CSRNP1: variants seen among roughly 807,000 people sequenced by gnomAD.
The protein encoded by CSRNP1 is cysteine and serine rich nuclear protein 1.
CSRNP1 carries 8 observed loss-of-function variants against 25.0 expected under a neutral mutation model. That is an observed-to-expected ratio of 0.32 (90% CI 0.19 to 0.58). The LOEUF (loss-of-function observed/expected upper bound fraction) is 0.58, where lower values mean the gene tolerates loss of function less well. Among genes scored for constraint, CSRNP1 ranks in the 20% least tolerant of loss-of-function variants. CSRNP1 has a pLI of 0.88. For synonymous variants in CSRNP1, 305 were observed against 303.1 expected (o/e 1.01, Z -0.06); for missense variants, 691 against 773.1 (o/e 0.89, Z 1.26).
At chr3:39,144,949 C>T in intron 3 of CSRNP1, 48 bp downstream of exon 3, 4 of 1,555,750 alleles carry the variant, frequency 2.6e-6, no homozygotes, top group Non-Finnish European at 2.6e-6. Context: ...AAGGTTAGGA[C>T]TCCAGGAGCT....
At position 39,144,422 on chromosome 3, in the gene CSRNP1, C is replaced by T; in HGVS notation, c.495G>A (p.Glu165=). 6.2e-7 allele frequency: 1 copy of T among 1,609,514 alleles called. No homozygotes were observed. Among genetic ancestry groups the T allele is most frequent in the Non-Finnish European group, 8.5e-7 (1 of 1,177,170 alleles). Residue 165 remains glutamate, a synonymous_variant, in exon 4 of 5, where the codon GAG becomes GAA. Coordinates refer to ENST00000273153, the MANE Select transcript of CSRNP1 (RefSeq NM_033027.4). Reference sequence around the variant, plus strand: ...CATCCACCACAGGTGGCAGCCCTGCCTCTGCCTGGGGTACCCCAGCTGCCG... The same window carrying T: ...CATCCACCACAGGTGGCAGCCCTGCTTCTGCCTGGGGTACCCCAGCTGCCG... ...KLSAAGVPQA[E]AGLPPVVDAI... is the part of the protein sequence containing the mutation.
At position 39,145,250 on chromosome 3, in the gene CSRNP1, G is replaced by A; in HGVS notation, c.212C>T (p.Ser71Phe). 1.3e-6 allele frequency: 2 copies of A among 1,587,398 alleles called. No individual in the cohort carries two copies. Among genetic ancestry groups the A allele is most frequent in the South Asian group, 2.3e-5 (2 of 88,628 alleles). ...CTCCCGGCGAGCCCGCTTCAGGATA[G>A]ACAGGGCTAGAAAGCAGGCAAAGAT... Reference protein sequence around the residue: ...FCGPRSFTPLSILKRARRERP... With the variant: ...FCGPRSFTPLFILKRARRERP... The change falls in exon 3 of 5, where the codon TCT becomes TTT. Residue 71 changes from serine to phenylalanine, a missense_variant. By Grantham distance (155) the Ser-to-Phe change is radical. Transcript: ENST00000273153.
intron 3 of CSRNP1, 129 bp downstream of exon 3, chr3:39,144,868 A>C: frequency 1.7e-6 from 2 of 1,151,704 alleles, no homozygotes; most frequent in South Asian, 3.4e-5. Context: ...GCCAATCACC[A>C]GGCCCACAGG....
At chr3:39,147,314 C>T (rs1003528355) in intron 1 of CSRNP1, among the ~76,000 whole-genome samples, 1 of 152,096 alleles carries the variant, frequency 6.6e-6, no homozygotes, top group Non-Finnish European at 1.5e-5. Flanking sequence ...TCCTCCTCCT[C>T]CTCCAGCACA....
In CSRNP1 at chr3:39,145,200, C is replaced by T. The variant is rs1449267702; in HGVS notation, c.262G>A (p.Gly88Arg). 6.2e-7 allele frequency: 1 copy of T among 1,613,626 alleles called. No homozygotes were observed. Among genetic ancestry groups the T allele is most frequent in the African/African-American group, 1.3e-5 (1 of 74,938 alleles). ...CGGGGGAAGTAGAAGACGGTGATCC[C>T]ATCAAAGGCTACACGGCCTGGGCGC... is the stretch of plus-strand genomic sequence containing the variant. The part of the protein sequence containing the change: ...RERPGRVAFD[G>R]ITVFYFPRCQ... The change falls in exon 3 of 5, where the codon GGG becomes AGG. Residue 88 changes from glycine (G) to arginine (R), a missense_variant. Coordinates refer to ENST00000273153, the MANE Select transcript of CSRNP1 (RefSeq NM_033027.4).
At position 39,143,044 on chromosome 3, in the gene CSRNP1, C is replaced by T; in HGVS notation, c.*11G>A. ...CAGGTCTCTTGGGGCTGGGAAAAGA[C>T]ATCCTGGTCCTCACACCGGCACAGG... On this transcript the variant is annotated 3_prime_UTR_variant, in exon 5 of 5. Transcript: ENST00000273153. The T allele has an allele frequency of 6.5e-7, 1 of 1,542,560 alleles. No individual in the cohort carries two copies. The highest frequency in any genetic ancestry group is 8.7e-7 in the Non-Finnish European group (1 of 1,144,038).
At chr3:39,148,359 C>T (rs1387468297) in intron 1 of CSRNP1, 2 of 152,402 alleles carry the variant, frequency 1.3e-5, no homozygotes, top group Non-Finnish European at 2.9e-5. Context: ...CACATGTACA[C>T]ACATGCTCAG....
In CSRNP1 at chr3:39,153,494, G is replaced by A. The variant is rs1177270443; in HGVS notation, c.-97C>T. 3 of 293,044 alleles carry A rather than the reference G, an allele frequency of 1.0e-5. No individual in the cohort carries two copies. Among genetic ancestry groups the A allele is most frequent in the Non-Finnish European group, 2.2e-5 (3 of 138,588 alleles). The allele number at this position is 293,044 out of a possible 1,614,324, so 18.2% of individuals were successfully genotyped here. On this transcript the variant is annotated 5_prime_UTR_variant, in exon 1 of 5. Coordinates refer to ENST00000273153, the MANE Select transcript of CSRNP1 (RefSeq NM_033027.4). ...CGCGACCCGCGTCCCGGCCGGGGAC[G>A]CCCCCTGCGCCGCGACTCTGTGCGC...
chr3:39,143,761 G>T lies in CSRNP1; in HGVS notation c.1064C>A (p.Ser355Tyr), dbSNP rs1265818015. 1.2e-6 allele frequency: 2 copies of T among 1,614,126 alleles called. No individual in the cohort carries two copies. The highest frequency in any genetic ancestry group is 8.5e-7 in the Non-Finnish European group (1 of 1,179,974). Residue 355 changes from serine (S) to tyrosine (Y), a missense_variant, in exon 5 of 5, where the codon TCT becomes TAT. By Grantham distance (144) the Ser-to-Tyr change is moderately radical (BLOSUM62 -2). Transcript: ENST00000273153. ...CGATGCTGATGAAGATGCTGTAGAA[G>T]AATCAGTCATGTCGCTGCTGCAGCT... is the stretch of plus-strand genomic sequence containing the variant. ...DNSCSSDMTD[S>Y]STASSSASGT...
At position 39,153,572 on chromosome 3, in the gene CSRNP1, G is replaced by C. The variant is rs893822078; in HGVS notation, c.-175C>G. The C allele has an allele frequency of 2.6e-5, 4 of 153,076 alleles. No individual in the cohort carries two copies. The highest frequency in any genetic ancestry group is 1.9e-4 in the East Asian group (1 of 5,186). The allele number at this position is 153,076 out of a possible 1,614,324, so 9.5% of individuals were successfully genotyped here. A position where few individuals can be genotyped will look rare whatever the true frequency, so the allele number is the denominator to read the frequency against. On this transcript the variant is annotated 5_prime_UTR_variant, in exon 1 of 5. Coordinates refer to ENST00000273153, the MANE Select transcript of CSRNP1 (RefSeq NM_033027.4). ...CCCCTCGCTCTGCGCGTCCGGCAGC[G>C]GCGGCGGCGGCGGGAGACTGCCTGC...
At position 39,145,088 on chromosome 3, in the gene CSRNP1, A is replaced by C. The variant is rs762883711; in HGVS notation, c.374T>G (p.Leu125Trp). Residue 125 changes from leucine to tryptophan, a missense_variant, in exon 3 of 5, where the codon TTG (leucine) becomes TGG (tryptophan). Leu to Trp is a moderately conservative substitution (Grantham distance 61). Coordinates refer to ENST00000273153, the MANE Select transcript of CSRNP1 (RefSeq NM_033027.4). Reference sequence around the variant, plus strand: ...GGCTTGCTCCTGCGCAAACTCAGCCAAAGAGAAGCGACGGCAAGCACTGTG... The same window carrying C: ...GGCTTGCTCCTGCGCAAACTCAGCCCAAGAGAAGCGACGGCAAGCACTGTG... ...LRHSACRRFS[L>W]AEFAQEQARA... 6.2e-7 allele frequency: 1 copy of C among 1,614,262 alleles called. No homozygotes were observed. The highest frequency in any genetic ancestry group is 8.5e-7 in the Non-Finnish European group (1 of 1,180,036).
intron 4 of CSRNP1, 26 bp from the exon 5 acceptor site, chr3:39,144,070 T>A (rs777862339): frequency 3.1e-6 from 5 of 1,607,632 alleles, no homozygotes; most frequent in Non-Finnish European, 4.2e-6. Context: ...GAGGTACAAG[T>A]GAGGGTTCTG....
Position 39,143,534 on chromosome 3 carries a change from T to TA in CSRNP1, c.1290dup (p.Thr431TyrfsTer2). The TA allele has an allele frequency of 1.2e-6, 2 of 1,614,204 alleles. No individual in the cohort carries two copies. Among genetic ancestry groups the TA allele is most frequent in the Non-Finnish European group, 1.7e-6 (2 of 1,180,034 alleles). On this transcript the variant is annotated frameshift_variant, in exon 5 of 5. Coordinates refer to ENST00000273153, the MANE Select transcript of CSRNP1 (RefSeq NM_033027.4). LOFTEE classifies it low-confidence loss of function (END_TRUNC). ...CTGGCCAGGCCACCAGGGTCACTAG[T>TA]ACCAAAGATGTCAGCTGGATGGAAG...
At position 39,143,006 on chromosome 3, in the gene CSRNP1, A is replaced by C. The variant is rs779781679; in HGVS notation, c.*49T>G. Reference sequence around the variant, plus strand: ...AGACTCTGGGGAGCCCCATAATTACAAGAAAGCAGCAACAGGTCTCTTGGG... The same window carrying C: ...AGACTCTGGGGAGCCCCATAATTACCAGAAAGCAGCAACAGGTCTCTTGGG... On this transcript the variant is annotated 3_prime_UTR_variant, in exon 5 of 5. Transcript: ENST00000273153. The C allele has an allele frequency of 2.6e-6, 4 of 1,519,378 alleles. No individual in the cohort carries two copies. The African/African-American group carries it at 5.6e-5, about 21-fold the overall frequency. The allele number at this position is 1,519,378 out of a possible 1,614,324, so 94.1% of individuals were successfully genotyped here. A position where few individuals can be genotyped will look rare whatever the true frequency, so the allele number is the denominator to read the frequency against.
rs1208299806 is a variant in CSRNP1, at chr3:39,142,045, T to TAAACATTAGC, written c.*1000_*1009dup. ...CAATGTAGAAATTATGATGCAAAATTAAACATTAGCAAACAAAGGGTATAA... is the reference window on the plus strand; with the variant it reads ...CAATGTAGAAATTATGATGCAAAATTAAACATTAGCAAACATTAGCAAACAAAGGGTATAA... On this transcript the variant is annotated 3_prime_UTR_variant, in exon 5 of 5. Coordinates refer to ENST00000273153, the MANE Select transcript of CSRNP1 (RefSeq NM_033027.4). The TAAACATTAGC allele has an allele frequency of 6.6e-6, 1 of 152,630 alleles. No individual in the cohort carries two copies. The highest frequency in any genetic ancestry group is 2.4e-5 in the African/African-American group (1 of 41,438). The allele number at this position is 152,630 out of a possible 1,614,324, so 9.5% of individuals were successfully genotyped here. A position where few individuals can be genotyped will look rare whatever the true frequency, so the allele number is the denominator to read the frequency against.
At chr3:39,145,515 T>C (rs2039496632) in intron 2 of CSRNP1, among the ~76,000 whole-genome samples, 1 of 152,250 alleles carries the variant, frequency 6.6e-6, no homozygotes, top group Non-Finnish European at 1.5e-5. Context: ...TTAAACATCT[T>C]TCCTATGTTT....
Position 39,144,026 on chromosome 3 carries a change from G to T in CSRNP1, c.799C>A (p.Pro267Thr), listed in dbSNP as rs1434620743. 3.0e-5 allele frequency: 49 copies of T among 1,612,100 alleles called. No individual in the cohort carries two copies. Among genetic ancestry groups the T allele is most frequent in the Non-Finnish European group, 4.2e-5 (49 of 1,179,888 alleles). The change falls in exon 5 of 5, where the codon CCC becomes ACC. Residue 267 changes from proline (P) to threonine (T), a missense_variant. By Grantham distance (38) the Pro-to-Thr change is conservative. Coordinates refer to ENST00000273153, the MANE Select transcript of CSRNP1 (RefSeq NM_033027.4). ...IKCQMDHTAF[P>T]CGCCREGCEN... The stretch of plus-strand genomic sequence containing the variant: ...CAGCCCTCCCTGCAGCAGCCACAGG[G>T]GAATGCTGTGTGGTCCATCTGCAGA...
chr3:39,145,088 A>G lies in CSRNP1; in HGVS notation c.374T>C (p.Leu125Ser). 1.9e-6 allele frequency: 3 copies of G among 1,614,262 alleles called. No homozygotes were observed. The highest frequency in any genetic ancestry group is 2.5e-6 in the Non-Finnish European group (3 of 1,180,036). ...GGCTTGCTCCTGCGCAAACTCAGCC[A>G]AAGAGAAGCGACGGCAAGCACTGTG... Reference protein sequence around the residue: ...LRHSACRRFSLAEFAQEQARA... With the variant: ...LRHSACRRFSSAEFAQEQARA... Residue 125 changes from leucine to serine, a missense_variant, in exon 3 of 5, where the codon TTG becomes TCG. Transcript: ENST00000273153.
At position 39,146,638 on chromosome 3, in the gene CSRNP1, G is replaced by T; in HGVS notation, c.45C>A (p.Asp15Glu). The T allele has an allele frequency of 6.4e-7, 1 of 1,572,142 alleles. No individual in the cohort carries two copies. The highest frequency in any genetic ancestry group is 8.6e-7 in the Non-Finnish European group (1 of 1,158,458). Residue 15 changes from aspartate (D) to glutamate (E), a missense_variant, in exon 2 of 5, where the codon GAC becomes GAA. By Grantham distance (45) the Asp-to-Glu change is conservative. Transcript: ENST00000273153. ...AGGAGGAGGAGGAGACCGAGGAGTT[G>T]TCCTCATCCAGCTGGTCAAATTTCC... ...LKRKFDQLDEDNSSVSSSSSS... is the reference protein window; with the variant it reads ...LKRKFDQLDEENSSVSSSSSS...
Sources: allele counts gnomAD v4.1 joint callset (sites outside exome capture counted in the v4.1 genomes callset), GRCh38; gene constraint gnomAD v4.1.1; transcripts MANE v1.5; gene names NCBI Gene and HGNC (gene_info 2026-07-23, HGNC 2026-07-21).